CCDC149: variants seen among roughly 807,000 people sequenced by gnomAD.
The protein encoded by CCDC149 is coiled-coil domain-containing protein 149.
A neutral mutation model predicts 59.9 loss-of-function variants in CCDC149; 45 were observed. The observed-to-expected ratio is 0.75, with a 90% CI of 0.59 to 0.96. The LOEUF (loss-of-function observed/expected upper bound fraction) is 0.96, where lower values mean the gene tolerates loss of function less well. Ranked by LOEUF, CCDC149 falls within the 40% of genes least tolerant of loss-of-function variation. The probability of loss-of-function intolerance (pLI) is 0.00; values close to 1 mark genes in which losing one functional copy is unlikely to be tolerated. For missense variants in CCDC149, 584 were observed against 664.7 expected, an observed-to-expected ratio of 0.88 and a Z score of 1.33; for synonymous variants, 245 against 260.6, an observed-to-expected ratio of 0.94 and a Z score of 0.58.
chr4:24,858,025 CA>C (rs1389420593), intron 3 of CCDC149, among the ~76,000 whole-genome samples: 1 of 151,692 alleles, frequency 6.6e-6, no homozygotes, highest in African/African-American at 2.4e-5. Context: ...CCTTAAAGAA[CA>C]GCAAAAAAAA....
At chr4:24,860,685 CA>C (rs1560222549) in intron 3 of CCDC149, among the ~76,000 whole-genome samples, 1 of 152,122 alleles carries the variant, frequency 6.6e-6, no homozygotes, top group African/African-American at 2.4e-5. Context: ...AAAATCTTTG[CA>C]AACTATGCAT....
At chr4:24,825,597 C>A (rs1435092859) in intron 9 of CCDC149, among the ~76,000 whole-genome samples, 2 of 152,046 alleles carry the variant, frequency 1.3e-5, no homozygotes, top group East Asian at 2.0e-4. Flanking sequence ...CATGGTGAAA[C>A]CCCGTCTCTA....
At chr4:24,975,275 G>A (rs1724130284) in intron 1 of CCDC149, among the ~76,000 whole-genome samples, 1 of 148,268 alleles carries the variant, frequency 6.7e-6, no homozygotes, top group Non-Finnish European at 1.5e-5. Context: ...GGGAAGGGAG[G>A]AAGACAAAAC....
rs745597767 is a variant in CCDC149, at chr4:24,931,840, T to TATATATATATATATATATATAC, written c.-64-36723_-64-36722insGTATATATATATATATATATAT. 1.4e-4 allele frequency among the ~76,000 whole-genome samples: 20 copies of TATATATATATATATATATATAC among 140,122 alleles called. 1 individual carries two copies. Among genetic ancestry groups the TATATATATATATATATATATAC allele is most frequent in the Non-Finnish European group, 2.1e-4 (14 of 65,302 alleles). The allele number at this position is 140,122 out of a possible 152,430, so 91.9% of individuals were successfully genotyped here. On this transcript the variant is annotated intron_variant, in intron 1 of 12. Coordinates refer to the CCDC149 transcript ENST00000389609. ...TGTATGGAGAGTATGTATATATATA[T>TATATATATATATATATATATAC]ATATATATATATGCATAATCCATAT...
At chr4:24,826,577 T>C (rs1448466132) in intron 9 of CCDC149, among the ~76,000 whole-genome samples, 1 of 152,040 alleles carries the variant, frequency 6.6e-6, no homozygotes, top group Non-Finnish European at 1.5e-5. Flanking sequence ...CACCAGAGGA[T>C]GCGAAGTCAG....
intron 1 of CCDC149, 96 bp downstream of exon 1, chr4:24,912,721 C>A: frequency 1.1e-6 from 1 of 898,604 alleles, no homozygotes; most frequent in South Asian, 5.2e-5. Context: ...GCGCCCCCCT[C>A]TCGTCCCTCC....
In CCDC149 at chr4:24,837,416, G is replaced by A. The variant is rs748700027; in HGVS notation, c.490-16C>T. 6.2e-6 allele frequency: 10 copies of A among 1,613,248 alleles called. No individual in the cohort carries two copies. In the Admixed American group the frequency reaches 1.3e-4, roughly 22 times the overall value. On this transcript the variant is annotated splice_polypyrimidine_tract_variant and intron_variant, in intron 5 of 12. Coordinates refer to ENST00000635206, the MANE Select transcript of CCDC149 (RefSeq NM_001330643.2). The surrounding 1 kb of genome is among the most constrained non-coding windows in gnomAD (Gnocchi z 4.3). ...GAGACTCAATCTAAAACCACAGGGA[G>A]AGCCCTTACTCAAGATGTTCCTCAG... is the stretch of plus-strand genomic sequence containing the variant.
intron 1 of CCDC149, among the ~76,000 whole-genome samples, chr4:24,898,091 T>C (rs772584986): frequency 3.9e-5 from 6 of 152,150 alleles, no homozygotes; most frequent in Non-Finnish European, 7.4e-5. Context: ...CAATATGATT[T>C]TTCCATGGCA....
intron 1 of CCDC149, among the ~76,000 whole-genome samples, chr4:24,894,741 A>G (rs1434139135): frequency 6.6e-6 from 1 of 151,752 alleles, no homozygotes. Context: ...CCTTTCGAAC[A>G]TACACAGCAA....
upstream of CCDC149, among the ~76,000 whole-genome samples, chr4:24,916,055 A>G (rs1381995879): frequency 2.6e-5 from 4 of 152,164 alleles, no homozygotes; most frequent in Non-Finnish European, 1.5e-5. Flanking sequence ...CCGACAGTCC[A>G]TTTGCACAGG....
At chr4:24,877,141 T>A (rs1481648204) in intron 1 of CCDC149, among the ~76,000 whole-genome samples, 4 of 152,152 alleles carry the variant, frequency 2.6e-5, no homozygotes, top group Non-Finnish European at 5.9e-5. Context: ...CTGTGTTTTC[T>A]AAGTTTCCAG....
intron 1 of CCDC149, among the ~76,000 whole-genome samples, chr4:24,960,944 T>C (rs1944351311): frequency 6.6e-6 from 1 of 152,224 alleles, no homozygotes; most frequent in African/African-American, 2.4e-5. Context: ...TATCCAAGTC[T>C]GCATGAGACA....
At chr4:24,873,097 C>T (rs1719151034) in intron 3 of CCDC149, among the ~76,000 whole-genome samples, 1 of 151,570 alleles carries the variant, frequency 6.6e-6, no homozygotes, top group South Asian at 2.1e-4. Context: ...ATGGTATGCA[C>T]CCAACAAATG....
chr4:24,971,111 C>G (rs192678722), intron 1 of CCDC149, among the ~76,000 whole-genome samples: 1 of 152,354 alleles, frequency 6.6e-6, no homozygotes, highest in Non-Finnish European at 1.5e-5. Context: ...CAGAATATAA[C>G]AGCAGCCCTG....
downstream of CCDC149, among the ~76,000 whole-genome samples, chr4:24,803,603 T>G (rs971844264): frequency 6.6e-6 from 1 of 152,312 alleles, no homozygotes; most frequent in African/African-American, 2.4e-5. The surrounding 1 kb of genome is among the most constrained non-coding windows in gnomAD (Gnocchi z 4.3). Flanking sequence ...ATAAAGCAAC[T>G]TCTGCAAATG....
intron 1 of CCDC149, among the ~76,000 whole-genome samples, chr4:24,893,869 G>A (rs942795518): frequency 1.3e-5 from 2 of 151,962 alleles, no homozygotes; most frequent in African/African-American, 4.8e-5. Flanking sequence ...GCCTCCCAAA[G>A]TGCTGAGATT....
At chr4:24,931,924 A>G (rs996696904) in intron 1 of CCDC149, among the ~76,000 whole-genome samples, 2 of 148,544 alleles carry the variant, frequency 1.3e-5, no homozygotes, top group Non-Finnish European at 3.0e-5. Context: ...GTTTATATTT[A>G]TTAACTCATT....
intron 1 of CCDC149, among the ~76,000 whole-genome samples, chr4:24,927,456 A>G (rs1227806661): frequency 1.3e-5 from 2 of 152,242 alleles, no homozygotes; most frequent in Non-Finnish European, 2.9e-5. Flanking sequence ...AGCTGCGTTT[A>G]TTTGCATCCA....
At chr4:24,809,449 G>A (rs1337828196) in intron 12 of CCDC149, among the ~76,000 whole-genome samples, 1 of 152,236 alleles carries the variant, frequency 6.6e-6, no homozygotes, top group East Asian at 1.9e-4. Flanking sequence ...ACATGGGAGA[G>A]AAGGGGGAGC....
Sources: gnomAD v4.1 joint callset for allele counts (sites outside exome capture counted in the v4.1 genomes callset) on GRCh38, gnomAD v4.1.1 for gene constraint, Gnocchi (gnomAD v3.1) non-coding constraint, MANE v1.5 for transcripts, NCBI Gene and HGNC (gene_info 2026-07-23, HGNC 2026-07-21) for gene names.